Variants in ASPRV1 observed in about 807,000 individuals in gnomAD.
The protein encoded by ASPRV1 is aspartic peptidase retroviral like 1, also known as retroviral-like aspartic protease 1.
In ASPRV1, 7 loss-of-function variants were observed where a neutral mutation model predicts 11.0. The ratio of observed to expected loss-of-function variants is 0.64; its 90% CI spans 0.36 to 1.20. The LOEUF (loss-of-function observed/expected upper bound fraction) is 1.20, where lower values mean the gene tolerates loss of function less well. Ranked by LOEUF, ASPRV1 falls within the 50% of genes most tolerant of loss-of-function variation. The pLI, the probability that ASPRV1 is intolerant of heterozygous loss-of-function variation, is 0.02. For missense variants in ASPRV1, 299 were observed against 320.0 expected, an observed-to-expected ratio of 0.93 and a Z score of 0.50; for synonymous variants, 136 against 138.4, an observed-to-expected ratio of 0.98 and a Z score of 0.12.
At chr2:70,032,797 C>T in the ASPRV1 span, among the ~76,000 whole-genome samples, 716 of 152,180 alleles carry the variant, frequency 4.7e-3, 4 homozygotes, top group African/African-American at 0.011. Flanking sequence ...TGCAGCTCTC[C>T]GACTTTTTTA....
the ASPRV1 span, among the ~76,000 whole-genome samples, chr2:69,943,613 A>G: frequency 6.6e-6 from 1 of 152,230 alleles, no homozygotes; most frequent in Non-Finnish European, 1.5e-5. Flanking sequence ...TCCTTTACAT[A>G]CTAACCCATC....
At chr2:70,046,118 T>C in the ASPRV1 span, 3 of 152,206 alleles carry the variant, frequency 2.0e-5, no homozygotes, top group South Asian at 2.1e-4. Context: ...AGGTCCAGAA[T>C]AGAACTTGGA....
the ASPRV1 span, chr2:70,019,181 C>T: frequency 6.6e-6 from 1 of 152,172 alleles, no homozygotes; most frequent in Non-Finnish European, 1.5e-5. Context: ...CTGCACTAAT[C>T]ACCAGAGAAA....
chr2:69,953,837 A>G, the ASPRV1 span, among the ~76,000 whole-genome samples: 1 of 151,216 alleles, frequency 6.6e-6, no homozygotes, highest in Non-Finnish European at 1.5e-5. Flanking sequence ...CCTCCCAAGT[A>G]GCTGGGATTA....
the ASPRV1 span, chr2:69,940,650 C>T: frequency 6.6e-6 from 1 of 152,660 alleles, no homozygotes; most frequent in South Asian, 2.1e-4. Flanking sequence ...GACCTTTGCA[C>T]TGTTTGTCTG....
the ASPRV1 span, among the ~76,000 whole-genome samples, chr2:70,042,713 G>C: frequency 1.8e-4 from 27 of 152,272 alleles, no homozygotes; most frequent in East Asian, 4.8e-3. Flanking sequence ...CAGGGGTTGA[G>C]GGGAGAGGAA....
chr2:70,036,173 G>C, the ASPRV1 span, among the ~76,000 whole-genome samples: 1 of 151,964 alleles, frequency 6.6e-6, no homozygotes, highest in Non-Finnish European at 1.5e-5. Context: ...GCAGTGAAGA[G>C]GTGGGCAGAA....
chr2:69,952,768 C>CG, the ASPRV1 span, among the ~76,000 whole-genome samples: 1 of 151,302 alleles, frequency 6.6e-6, no homozygotes, highest in African/African-American at 2.4e-5. Context: ...AATAGTCCCC[C>CG]CCATCCCCTA....
the ASPRV1 span, among the ~76,000 whole-genome samples, chr2:70,065,609 G>C: frequency 6.6e-6 from 1 of 151,678 alleles, no homozygotes; most frequent in African/African-American, 2.4e-5. Context: ...TTTAAAAGCA[G>C]GGGCAGGGTG....
chr2:70,004,588 T>C, the ASPRV1 span, among the ~76,000 whole-genome samples: 106 of 150,708 alleles, frequency 7.0e-4, no homozygotes, highest in Middle Eastern at 3.6e-3. Context: ...GTTGGTCTCA[T>C]GGCAGGACAC....
the ASPRV1 span, among the ~76,000 whole-genome samples, chr2:69,935,706 C>T: frequency 1.3e-5 from 2 of 152,152 alleles, no homozygotes; most frequent in Non-Finnish European, 2.9e-5. Flanking sequence ...TTCAGGAGTC[C>T]GTGATAGCTC....
chr2:70,039,216 T>C, the ASPRV1 span, among the ~76,000 whole-genome samples: 1 of 152,200 alleles, frequency 6.6e-6, no homozygotes, highest in Non-Finnish European at 1.5e-5. Context: ...TTTGTTGCAA[T>C]GTTGAATTCT....
At chr2:70,061,679 G>A in the ASPRV1 span, among the ~76,000 whole-genome samples, 1 of 152,170 alleles carries the variant, frequency 6.6e-6, no homozygotes, top group African/African-American at 2.4e-5. Flanking sequence ...GGAGGACCGG[G>A]TGCAGTGGCT....
At chr2:69,955,451 A>G (rs1869560), downstream of ASPRV1, among the ~76,000 whole-genome samples, 8,429 of 152,230 alleles carry the variant, frequency 0.055, 652 homozygotes, top group Admixed American at 0.19. Context: ...ATTTGCTGCC[A>G]ATGGCCACCC....
chr2:69,960,664 G>C lies in ASPRV1; in HGVS notation c.773C>G (p.Ser258Cys), dbSNP rs747995516. The change falls in exon 1 of 1, where the codon TCC (serine) becomes TGC (cysteine). Residue 258 changes from serine (S) to cysteine (C), a missense_variant. Transcript: ENST00000320256. The part of the protein sequence containing the change: ...PSSEEGRQEL[S>C]H ...TAAAGAAAAGGTGGCTTCTCAGTGGGATAGCTCCTGCCGCCCTTCTTCTGA... is the reference window on the plus strand; with the variant it reads ...TAAAGAAAAGGTGGCTTCTCAGTGGCATAGCTCCTGCCGCCCTTCTTCTGA... 6.2e-7 allele frequency: 1 copy of C among 1,611,512 alleles called. No homozygotes were observed. Among genetic ancestry groups the C allele is most frequent in the Admixed American group, 1.7e-5 (1 of 59,914 alleles).
chr2:70,052,939 C>G, the ASPRV1 span, among the ~76,000 whole-genome samples: 1 of 152,184 alleles, frequency 6.6e-6, no homozygotes, highest in Non-Finnish European at 1.5e-5. Flanking sequence ...GGCCAGAGCT[C>G]TACCCTTGGC....
At position 69,961,630 on chromosome 2, in the gene ASPRV1, G is replaced by A; in HGVS notation, c.-194C>T. On this transcript the variant is annotated 5_prime_UTR_variant, in exon 1 of 1. Transcript: ENST00000320256. The stretch of plus-strand genomic sequence containing the variant: ...TGCTGGGGCAGAGGCAGGCAGTGCT[G>A]TGGCCTGTTCACTCTGCAGAGCCTT... 1.2e-6 allele frequency: 2 copies of A among 1,601,930 alleles called. No homozygotes were observed. Among genetic ancestry groups the A allele is most frequent in the Non-Finnish European group, 1.7e-6 (2 of 1,173,274 alleles).
At chr2:70,064,252 T>C in the ASPRV1 span, among the ~76,000 whole-genome samples, 1 of 152,106 alleles carries the variant, frequency 6.6e-6, no homozygotes, top group Non-Finnish European at 1.5e-5. Flanking sequence ...CACCCTGACA[T>C]CCTAAAGCAC....
the ASPRV1 span, chr2:69,938,835 C>T: frequency 1.2e-4 from 18 of 153,326 alleles, no homozygotes; most frequent in South Asian, 2.6e-3. Context: ...CTTCACACCG[C>T]GCATGCTCAT....
Sources: gnomAD v4.1 joint callset for allele counts (sites outside exome capture counted in the v4.1 genomes callset) on GRCh38, gnomAD v4.1.1 for gene constraint, MANE v1.5 for transcripts, NCBI Gene and HGNC (gene_info 2026-07-23, HGNC 2026-07-21) for gene names.